The following FRAS1 variants were observed in gnomAD, a reference collection of about 807,000 sequenced individuals.
FRAS1 encodes the protein extracellular matrix organizing protein FRAS1.
FRAS1 carries 290 observed loss-of-function variants against 435.2 expected under a neutral mutation model. The observed-to-expected ratio is 0.67, with a 90% CI of 0.61 to 0.73. The LOEUF (loss-of-function observed/expected upper bound fraction) is 0.73, where lower values mean the gene tolerates loss of function less well. Among genes scored for constraint, FRAS1 ranks in the 30% least tolerant of loss-of-function variants. The pLI is 0.00. For missense variants in FRAS1, 4,860 were observed against 5,001.5 expected, an observed-to-expected ratio of 0.97 and a Z score of 0.85; for synonymous variants, 1,800 against 1,851.0, an observed-to-expected ratio of 0.97 and a Z score of 0.71.
chr4:78,219,072 C>A (rs1723930673), intron 2 of FRAS1, among the ~76,000 whole-genome samples: 1 of 152,080 alleles, frequency 6.6e-6, no homozygotes, highest in East Asian at 1.9e-4. Flanking sequence ...TAATTACATT[C>A]TTTTGCTGGT....
chr4:78,222,649 C>T (rs529640774), intron 2 of FRAS1, among the ~76,000 whole-genome samples: 120 of 152,272 alleles, frequency 7.9e-4, no homozygotes, highest in Non-Finnish European at 1.4e-3. Context: ...ATATCTCTGA[C>T]GCGCCATTTA....
intron 14 of FRAS1, among the ~76,000 whole-genome samples, chr4:78,306,835 T>C (rs1365369727): frequency 6.6e-6 from 1 of 152,230 alleles, no homozygotes; most frequent in Non-Finnish European, 1.5e-5. Flanking sequence ...TTGGAGTAAT[T>C]TGATTGTCTG....
chr4:78,292,231 G>T (rs944215331), intron 14 of FRAS1, among the ~76,000 whole-genome samples: 2 of 152,116 alleles, frequency 1.3e-5, no homozygotes, highest in Non-Finnish European at 2.9e-5. Context: ...ATGTTATGGA[G>T]AAGTAAATAT....
chr4:78,150,286 C>A (rs1286227900), intron 2 of FRAS1, among the ~76,000 whole-genome samples: 2 of 152,128 alleles, frequency 1.3e-5, no homozygotes, highest in African/African-American at 2.4e-5. Flanking sequence ...TTTCAAACTT[C>A]TTTTAGAAGG....
intron 2 of FRAS1, among the ~76,000 whole-genome samples, chr4:78,201,944 C>T (rs1478914375): frequency 3.9e-5 from 6 of 152,144 alleles, no homozygotes; most frequent in Non-Finnish European, 8.8e-5. Context: ...GTAAACAATC[C>T]TTTAAACCAG....
At chr4:78,317,575 A>G (rs886147663) in intron 17 of FRAS1, 67 bp downstream of exon 17, 5 of 1,424,296 alleles carry the variant, frequency 3.5e-6, no homozygotes, top group Non-Finnish European at 4.7e-6. Flanking sequence ...CTTTTTTCCA[A>G]TAATATAACT....
intron 1 of FRAS1, among the ~76,000 whole-genome samples, chr4:78,062,483 C>T (rs529560676): frequency 1.3e-4 from 20 of 152,190 alleles, no homozygotes; most frequent in African/African-American, 4.8e-4. Flanking sequence ...CCATGCTCTC[C>T]AAATCTTTTT....
Position 78,400,903 on chromosome 4 carries a change from T to C in FRAS1, c.4129+16T>C. On this transcript the variant is annotated intron_variant, in intron 30 of 73. Coordinates refer to ENST00000512123, the MANE Select transcript of FRAS1 (RefSeq NM_025074.7). Reference sequence around the variant, plus strand: ...CCCCAGTTTGGTAACTATTTTTTCCTTTGGCGTGGTTTCATCGTTGCATTC... The same window carrying C: ...CCCCAGTTTGGTAACTATTTTTTCCCTTGGCGTGGTTTCATCGTTGCATTC... The C allele has an allele frequency of 6.2e-7, 1 of 1,612,250 alleles. No homozygotes were observed. Among genetic ancestry groups the C allele is most frequent in the African/African-American group, 1.3e-5 (1 of 75,002 alleles).
chr4:78,294,054 A>T (rs941676962), intron 14 of FRAS1, among the ~76,000 whole-genome samples: 1 of 152,194 alleles, frequency 6.6e-6, no homozygotes, highest in South Asian at 2.1e-4. Context: ...CTTTCTGCCC[A>T]GTTTGGAAGG....
intron 61 of FRAS1, among the ~76,000 whole-genome samples, chr4:78,501,416 G>A (rs111389755): frequency 1.3e-4 from 20 of 152,206 alleles, no homozygotes; most frequent in Admixed American, 1.1e-3. Context: ...TAATAGTGCC[G>A]CAGTAAACAT....
intron 18 of FRAS1, among the ~76,000 whole-genome samples, chr4:78,327,964 G>T (rs570431486): frequency 1.3e-5 from 2 of 152,256 alleles, no homozygotes; most frequent in South Asian, 2.1e-4. Context: ...GTCATCCAGC[G>T]TATTCTTTTC....
chr4:78,521,562 T>A lies in FRAS1; in HGVS notation c.10580T>A (p.Ile3527Lys), dbSNP rs1721387088. ...AGCGTGCTCTCTGCAAGGCTTCAGA[T>A]AATAAGAATCTACATTCGAGAGGAT... The part of the protein sequence containing the change: ...TDSVLSARLQ[I>K]IRIYIREDGR... The change falls in exon 68 of 74, where the codon ATA (isoleucine) becomes AAA (lysine). Residue 3527 changes from isoleucine to lysine, a missense_variant. By Grantham distance (102) the Ile-to-Lys change is moderately radical. Coordinates refer to ENST00000512123, the MANE Select transcript of FRAS1 (RefSeq NM_025074.7). 1.9e-6 allele frequency: 3 copies of A among 1,611,838 alleles called. No individual in the cohort carries two copies. The highest frequency in any genetic ancestry group is 2.5e-6 in the Non-Finnish European group (3 of 1,178,892).
intron 59 of FRAS1, among the ~76,000 whole-genome samples, chr4:78,495,682 T>C (rs1720490938): frequency 6.6e-6 from 1 of 152,150 alleles, no homozygotes; most frequent in Non-Finnish European, 1.5e-5. Flanking sequence ...AATAAAATTA[T>C]AAAGAAAATA....
chr4:78,105,146 T>G (rs942669382), intron 2 of FRAS1, among the ~76,000 whole-genome samples: 1 of 152,208 alleles, frequency 6.6e-6, no homozygotes, highest in Admixed American at 6.5e-5. Flanking sequence ...GAAAGAGTGC[T>G]TACCTTTGTT....
intron 70 of FRAS1, among the ~76,000 whole-genome samples, chr4:78,530,046 T>A (rs374092428): frequency 1.3e-5 from 2 of 152,188 alleles, no homozygotes; most frequent in East Asian, 1.9e-4. Context: ...TGTTGATTCA[T>A]GTAGCTGTAG....
rs568230055 is a variant in FRAS1, at chr4:78,466,255, C to T, written c.7077C>T (p.Thr2359=). Residue 2359 remains threonine, a synonymous_variant, in exon 50 of 74, where the codon ACC becomes ACT. Coordinates refer to ENST00000512123, the MANE Select transcript of FRAS1 (RefSeq NM_025074.7). The part of the protein sequence containing the change: ...FTIVQPPRHG[T]IERTSNGQHF... ...TCGTGCAGCCTCCACGCCATGGCAC[C>T]ATCGAGCGAACCAGCAATGGGCAGC... 75 of 1,613,930 alleles carry T rather than the reference C, an allele frequency of 4.6e-5. 1 individual carries two copies. The South Asian group carries it at 7.4e-4, about 16-fold the overall frequency.
chr4:78,292,797 TCA>T (rs1727958658), intron 14 of FRAS1, among the ~76,000 whole-genome samples: 1 of 152,164 alleles, frequency 6.6e-6, no homozygotes, highest in Admixed American at 6.5e-5. Context: ...AGGGTTAGTC[TCA>T]GTTTCATTGC....
chr4:78,468,762 G>A (rs925691247), intron 50 of FRAS1, among the ~76,000 whole-genome samples: 2 of 152,178 alleles, frequency 1.3e-5, no homozygotes, highest in East Asian at 1.9e-4. Context: ...GGGCCTGGGG[G>A]CACCCCTACA....
intron 14 of FRAS1, among the ~76,000 whole-genome samples, chr4:78,307,608 A>G (rs2110219060): frequency 6.6e-6 from 1 of 152,238 alleles, no homozygotes; most frequent in South Asian, 2.1e-4. Flanking sequence ...GGTGGGAGTG[A>G]CCCGATTTTC....
Sources: allele counts gnomAD v4.1 joint callset (sites outside exome capture counted in the v4.1 genomes callset), GRCh38; gene constraint gnomAD v4.1.1; transcripts MANE v1.5; gene names NCBI Gene and HGNC (gene_info 2026-07-23, HGNC 2026-07-21).